The following ANAPC4 variants were observed in gnomAD, a reference collection of about 807,000 sequenced individuals.
ANAPC4 encodes anaphase-promoting complex subunit 4.
A neutral mutation model predicts 119.8 loss-of-function variants in ANAPC4; 63 were observed. That is an observed-to-expected ratio of 0.53 (90% CI 0.43 to 0.65). ANAPC4 has a LOEUF of 0.65. ANAPC4 is among the 30% of genes least tolerant of loss of function. The pLI is 0.00. For missense variants in ANAPC4, 716 were observed against 945.1 expected (o/e 0.76, Z 3.18); for synonymous variants, 283 against 318.6 (o/e 0.89, Z 1.19).
Position 25,394,679 on chromosome 4 carries a change from T to G in ANAPC4, c.950T>G (p.Leu317Arg). ...TTTGTTTTTCATTGTAGTGCTGAAC[T>G]TCAGACTCTCTTGATGAATCAGTTA... ...LLLWGKASAELQTLLMNQLTV... is the reference protein window; with the variant it reads ...LLLWGKASAERQTLLMNQLTV... The change falls in exon 13 of 29, where the codon CTT (leucine) becomes CGT (arginine). Residue 317 changes from leucine (L) to arginine (R), a missense_variant. Coordinates refer to ENST00000315368, the MANE Select transcript of ANAPC4 (RefSeq NM_013367.3). 3 of 1,600,792 alleles carry G rather than the reference T, an allele frequency of 1.9e-6. No individual in the cohort carries two copies. Among genetic ancestry groups the G allele is most frequent in the Non-Finnish European group, 2.6e-6 (3 of 1,176,352 alleles).
intron 16 of ANAPC4, among the ~76,000 whole-genome samples, chr4:25,397,605 A>G (rs904595413): frequency 2.0e-5 from 3 of 152,092 alleles, no homozygotes; most frequent in South Asian, 2.1e-4. Context: ...CTACCCTCAC[A>G]CTTAATTGAC....
At chr4:25,378,663 A>C (rs1721547664) in intron 2 of ANAPC4, among the ~76,000 whole-genome samples, 3 of 152,224 alleles carry the variant, frequency 2.0e-5, no homozygotes, top group Admixed American at 1.3e-4. Context: ...GATGGAGAAG[A>C]ATATATTGGA....
rs762628911 is a variant in ANAPC4, at chr4:25,377,484, C to T, written c.57C>T (p.Leu19=). The change falls in exon 2 of 29, where the codon CTC becomes CTT. Residue 19 remains leucine (L), a synonymous_variant. Coordinates refer to ENST00000315368, the MANE Select transcript of ANAPC4 (RefSeq NM_013367.3). ...PSFRVVGEKQ[L]PQEIIFLVWS... ...TCCGGGTGGTGGGAGAGAAGCAGCT[C>T]CCGCAGGAGATTATTTTCCTGGTCT... is the stretch of plus-strand genomic sequence containing the variant. 6.2e-7 allele frequency: 1 copy of T among 1,613,986 alleles called. No individual in the cohort carries two copies. The highest frequency in any genetic ancestry group is 1.3e-5 in the African/African-American group (1 of 74,952).
In ANAPC4 at chr4:25,392,328, G is replaced by T. The variant is rs764090638; in HGVS notation, c.706-10G>T. 2 of 1,601,900 alleles carry T rather than the reference G, an allele frequency of 1.2e-6. No homozygotes were observed. The highest frequency in any genetic ancestry group is 2.2e-5 in the South Asian group (2 of 90,342). On this transcript the variant is annotated splice_polypyrimidine_tract_variant and intron_variant, in intron 9 of 28. Transcript: ENST00000315368. ...TGATGATGACTCACTTTACTCTTTTGATTTTACAGCTTGAAACTAATCTGT... is the reference window on the plus strand; with the variant it reads ...TGATGATGACTCACTTTACTCTTTTTATTTTACAGCTTGAAACTAATCTGT...
At chr4:25,400,389 A>G (rs1163115144) in intron 16 of ANAPC4, among the ~76,000 whole-genome samples, 1 of 152,192 alleles carries the variant, frequency 6.6e-6, no homozygotes, top group Admixed American at 6.5e-5. Context: ...CACAGAGGCC[A>G]GTGTATGAGC....
At chr4:25,398,398 C>A (rs1213965633) in intron 16 of ANAPC4, among the ~76,000 whole-genome samples, 1 of 152,110 alleles carries the variant, frequency 6.6e-6, no homozygotes, top group Non-Finnish European at 1.5e-5. Flanking sequence ...CGGAAGGGAG[C>A]AAGCCCTGTT....
At chr4:25,393,109 A>G (rs1722443864) in intron 10 of ANAPC4, among the ~76,000 whole-genome samples, 1 of 152,176 alleles carries the variant, frequency 6.6e-6, no homozygotes, top group South Asian at 2.1e-4. Flanking sequence ...CATGTTTTTC[A>G]TTCTACCACA....
intron 14 of ANAPC4, 119 bp from the exon 15 acceptor site, chr4:25,396,545 C>A: frequency 1.3e-6 from 1 of 770,200 alleles, no homozygotes; most frequent in Non-Finnish European, 2.1e-6. Flanking sequence ...AATTATTTCT[C>A]ATGGAAACAA....
intron 4 of ANAPC4, among the ~76,000 whole-genome samples, chr4:25,388,291 G>T (rs1313210867): frequency 7.6e-6 from 1 of 131,046 alleles, no homozygotes; most frequent in Non-Finnish European, 1.8e-5. Flanking sequence ...GCAGGCTGAT[G>T]TTTTTTTTCC....
At chr4:25,403,408 T>C (rs1366507560) in intron 17 of ANAPC4, among the ~76,000 whole-genome samples, 6 of 152,204 alleles carry the variant, frequency 3.9e-5, no homozygotes, top group Non-Finnish European at 8.8e-5. Context: ...TAAAGCTAAC[T>C]TGTAGTCTGT....
At chr4:25,410,234 G>A (rs1369369966) in intron 21 of ANAPC4, among the ~76,000 whole-genome samples, 4 of 152,072 alleles carry the variant, frequency 2.6e-5, no homozygotes, top group African/African-American at 9.7e-5. Flanking sequence ...TAGAATGTCA[G>A]AATGTTAATA....
chr4:25,412,829 G>A (rs1357391822), intron 21 of ANAPC4: 1 of 151,998 alleles, frequency 6.6e-6, no homozygotes, highest in African/African-American at 2.4e-5. Context: ...TCTGTTCTAG[G>A]AACTAGAAAC....
At position 25,390,987 on chromosome 4, in the gene ANAPC4, A is replaced by G. The variant is rs377096625; in HGVS notation, c.677A>G (p.Asn226Ser). Residue 226 changes from asparagine to serine, a missense_variant, in exon 9 of 29, where the codon AAT becomes AGT. This residue lies in a region of ANAPC4 where 202 missense variants were observed against 293.5 expected (regional missense o/e 0.69). Transcript: ENST00000315368. ...SLSVVTEVSTNGASEVSYFQL... is the reference protein window; with the variant it reads ...SLSVVTEVSTSGASEVSYFQL... ...TCAGTGGTCACAGAAGTCTCTACCA[A>G]TGGTGCTTCAGAAGTTTCATACTTT... 179 of 1,613,348 alleles carry G rather than the reference A, an allele frequency of 1.1e-4. 1 individual carries two copies. The highest frequency in any genetic ancestry group is 4.6e-4 in the South Asian group (42 of 91,036).
chr4:25,409,515 C>T (rs900020277), intron 20 of ANAPC4, among the ~76,000 whole-genome samples, 183 bp from the exon 21 acceptor site: 1 of 152,128 alleles, frequency 6.6e-6, no homozygotes, highest in Non-Finnish European at 1.5e-5. Flanking sequence ...AATGCACTTT[C>T]AGAGGACTTG....
At chr4:25,413,541 C>T (rs1723694067) in intron 21 of ANAPC4, 104 bp from the exon 22 acceptor site, 2 of 762,466 alleles carry the variant, frequency 2.6e-6, no homozygotes, top group South Asian at 2.1e-5. Flanking sequence ...AATTCTACCT[C>T]GAGATAAACT....
At chr4:25,407,365 A>C (rs1723311658) in intron 20 of ANAPC4, 112 bp downstream of exon 20, 1 of 730,740 alleles carries the variant, frequency 1.4e-6, no homozygotes, top group Non-Finnish European at 2.1e-6. Context: ...CTTTTAGTAA[A>C]ATTAACAAAG....
chr4:25,385,594 T>C (rs1410310820), intron 4 of ANAPC4, among the ~76,000 whole-genome samples: 1 of 152,154 alleles, frequency 6.6e-6, no homozygotes, highest in Admixed American at 6.5e-5. Flanking sequence ...ACATTTTTAT[T>C]TTTTTTGTAT....
At position 25,415,449 on chromosome 4, in the gene ANAPC4, C is replaced by T. The variant is rs1723808037; in HGVS notation, c.1827-17C>T. 1 of 1,598,562 alleles carries T rather than the reference C, an allele frequency of 6.3e-7. No individual in the cohort carries two copies. Among genetic ancestry groups the T allele is most frequent in the Non-Finnish European group, 8.5e-7 (1 of 1,171,168 alleles). On this transcript the variant is annotated splice_polypyrimidine_tract_variant and intron_variant, in intron 25 of 28. Coordinates refer to ENST00000315368, the MANE Select transcript of ANAPC4 (RefSeq NM_013367.3). The stretch of plus-strand genomic sequence containing the variant: ...TTGTTCCACAGAGTCTCTTTTTTTC[C>T]CCCTTCTTTCTTGAAGATCTGTGAG...
intron 2 of ANAPC4, among the ~76,000 whole-genome samples, chr4:25,379,501 G>A (rs1721599641): frequency 1.3e-5 from 2 of 152,174 alleles, no homozygotes; most frequent in Non-Finnish European, 2.9e-5. Context: ...TAGCCCAAAA[G>A]CAGCAGTACA....
Sources: allele counts gnomAD v4.1 joint callset (sites outside exome capture counted in the v4.1 genomes callset), GRCh38; gene constraint gnomAD v4.1.1; regional missense constraint gnomAD v4.1.1; transcripts MANE v1.5; gene names NCBI Gene and HGNC (gene_info 2026-07-23, HGNC 2026-07-21).